The following KLHL18 variants were observed in gnomAD, a reference collection of about 807,000 sequenced individuals.
The protein encoded by KLHL18 is kelch like family member 18.
A neutral mutation model predicts 58.5 loss-of-function variants in KLHL18; 38 were observed. The ratio of observed to expected loss-of-function variants is 0.65; its 90% CI spans 0.50 to 0.85. The LOEUF (loss-of-function observed/expected upper bound fraction) is 0.85, where lower values mean the gene tolerates loss of function less well. Among genes scored for constraint, KLHL18 ranks in the 40% least tolerant of loss-of-function variants. The pLI is 0.00. For synonymous variants in KLHL18, 303 were observed against 301.9 expected (o/e 1.00, Z -0.04); for missense variants, 624 against 778.4 (o/e 0.80, Z 2.36).
intron 1 of KLHL18, among the ~76,000 whole-genome samples, chr3:47,289,667 T>C (rs998916422): frequency 1.3e-5 from 2 of 152,172 alleles, no homozygotes; most frequent in African/African-American, 4.8e-5. Flanking sequence ...ATCTGTAATC[T>C]CAGCACTTTG....
chr3:47,329,696 T>C (rs1703809374), intron 3 of KLHL18, among the ~76,000 whole-genome samples: 2 of 152,212 alleles, frequency 1.3e-5, no homozygotes, highest in African/African-American at 4.8e-5. Context: ...TGACAGTTAC[T>C]TTACAGAACT....
intron 4 of KLHL18, among the ~76,000 whole-genome samples, chr3:47,331,725 G>T (rs1320356493): frequency 1.3e-5 from 2 of 150,276 alleles, no homozygotes; most frequent in African/African-American, 2.5e-5. Flanking sequence ...GAGCCACTGC[G>T]CCAGGCCCGA....
chr3:47,307,960 GA>G (rs1703188492), intron 1 of KLHL18, among the ~76,000 whole-genome samples: 1 of 152,176 alleles, frequency 6.6e-6, no homozygotes, highest in Admixed American at 6.5e-5. Context: ...GTTGACATCT[GA>G]TAGGGCAGTT....
chr3:47,338,304 A>C (rs1704031365), intron 7 of KLHL18: 2 of 152,046 alleles, frequency 1.3e-5, no homozygotes, highest in African/African-American at 4.8e-5. Context: ...GGCACCTCTT[A>C]ATTCATTTTC....
At chr3:47,340,431 A>T in intron 7 of KLHL18, 141 bp from the exon 8 acceptor site, 1 of 1,240,254 alleles carries the variant, frequency 8.1e-7, no homozygotes, top group Non-Finnish European at 1.1e-6. Flanking sequence ...CTGTCACCTC[A>T]GTTTTATGCC....
chr3:47,326,061 C>A (rs1327763520), intron 3 of KLHL18, among the ~76,000 whole-genome samples: 1 of 152,194 alleles, frequency 6.6e-6, no homozygotes, highest in Admixed American at 6.5e-5. Flanking sequence ...GATTCTCCTG[C>A]CTCAGCCTCC....
chr3:47,330,072 G>T lies in KLHL18; in HGVS notation c.523G>T (p.Glu175Ter). The change falls in exon 4 of 10, where the codon GAG (glutamate) becomes TAG (stop). Residue 175 changes from glutamate to a stop codon, truncating the protein, a stop_gained. Coordinates refer to ENST00000232766, the MANE Select transcript of KLHL18 (RefSeq NM_025010.5). LOFTEE classifies it high-confidence loss of function. Reference sequence around the variant, plus strand: ...CTTTGTGGAGGTGTCCATGTCAGAAGAGTTCCTGGCCCTGCCCTTGGAAGA... The same window carrying T: ...CTTTGTGGAGGTGTCCATGTCAGAATAGTTCCTGGCCCTGCCCTTGGAAGA... Reference protein sequence around the residue: ...QHFVEVSMSEEFLALPLEDVL... With the variant: ...QHFVEVSMSE 1 of 1,614,202 alleles carries T rather than the reference G, an allele frequency of 6.2e-7. No individual in the cohort carries two copies. The highest frequency in any genetic ancestry group is 8.5e-7 in the Non-Finnish European group (1 of 1,180,026).
intron 1 of KLHL18, among the ~76,000 whole-genome samples, chr3:47,302,679 C>T (rs911788656): frequency 9.9e-5 from 15 of 152,198 alleles, no homozygotes; most frequent in African/African-American, 3.6e-4. Context: ...TGGACCTACA[C>T]AGTTCAAGCC....
At chr3:47,292,002 G>A (rs1021682498) in intron 1 of KLHL18, among the ~76,000 whole-genome samples, 2 of 152,218 alleles carry the variant, frequency 1.3e-5, no homozygotes, top group African/African-American at 4.8e-5. Context: ...AGGATGCTTA[G>A]CTGCTGGCAG....
intron 1 of KLHL18, among the ~76,000 whole-genome samples, chr3:47,292,964 A>T (rs1702821863): frequency 6.6e-6 from 1 of 152,132 alleles, no homozygotes; most frequent in African/African-American, 2.4e-5. Flanking sequence ...CTTTAAAAAG[A>T]AGAAAATTCT....
intron 2 of KLHL18, among the ~76,000 whole-genome samples, chr3:47,322,110 T>C (rs1292303457): frequency 6.6e-6 from 1 of 152,190 alleles, no homozygotes; most frequent in East Asian, 1.9e-4. Flanking sequence ...AAAAACGTTC[T>C]AACAGCAATA....
rs1008692304 is a variant in KLHL18 at position 47,344,817 on chromosome 3, T to TG, written c.*881dup. 1.9e-4 allele frequency: 29 copies of TG among 152,776 alleles called. No homozygotes were observed. Among genetic ancestry groups the TG allele is most frequent in the African/African-American group, 7.0e-4 (29 of 41,564 alleles). The allele number at this position is 152,776 out of a possible 1,614,324, so 9.5% of individuals were successfully genotyped here. A position where few individuals can be genotyped will look rare whatever the true frequency, so the allele number is the denominator to read the frequency against. On this transcript the variant is annotated 3_prime_UTR_variant, in exon 10 of 10. Coordinates refer to ENST00000232766, the MANE Select transcript of KLHL18 (RefSeq NM_025010.5). The stretch of plus-strand genomic sequence containing the variant: ...AGGGTCCTGAGGCCTCGCATTGAGC[T>TG]GGGGGTTCCCTCTGAGCCCCAGTGT...
At chr3:47,331,200 T>C (rs914036749) in intron 4 of KLHL18, among the ~76,000 whole-genome samples, 1 of 152,008 alleles carries the variant, frequency 6.6e-6, no homozygotes, top group Non-Finnish European at 1.5e-5. Context: ...CAATCTCAGC[T>C]CACTGCACCT....
At chr3:47,288,868 A>T (rs1702732873) in intron 1 of KLHL18, among the ~76,000 whole-genome samples, 1 of 152,168 alleles carries the variant, frequency 6.6e-6, no homozygotes. Flanking sequence ...GTGTCCATGG[A>T]CGCTCTCATC....
At chr3:47,309,386 C>T (rs1025197592) in intron 1 of KLHL18, among the ~76,000 whole-genome samples, 11 of 151,286 alleles carry the variant, frequency 7.3e-5, no homozygotes, top group South Asian at 4.2e-4. Flanking sequence ...ACGGGGCGGC[C>T]GGGCAGAGAT....
intron 3 of KLHL18, among the ~76,000 whole-genome samples, chr3:47,325,298 C>T (rs976823617): frequency 3.9e-5 from 6 of 152,140 alleles, no homozygotes; most frequent in African/African-American, 1.2e-4. Flanking sequence ...CCTGTGTTCA[C>T]GCCATTCTCT....
At chr3:47,319,584 G>GT (rs200717194) in intron 1 of KLHL18, 69 bp from the exon 2 acceptor site, 15,316 of 1,376,256 alleles carry the variant, frequency 0.011, no homozygotes, top group East Asian at 0.014. Flanking sequence ...GGCAGGGTGG[G>GT]TTTTTTTGTT....
Position 47,322,654 on chromosome 3 carries a change from G to A in KLHL18, c.347G>A (p.Ser116Asn), listed in dbSNP as rs1576168420. 1.2e-6 allele frequency: 2 copies of A among 1,605,252 alleles called. No homozygotes were observed. Among genetic ancestry groups the A allele is most frequent in the Non-Finnish European group, 1.7e-6 (2 of 1,176,310 alleles). The change falls in exon 3 of 10, where the codon AGC (serine) becomes AAC (asparagine). Residue 116 changes from serine (S) to asparagine (N), a missense_variant. Coordinates refer to ENST00000232766, the MANE Select transcript of KLHL18 (RefSeq NM_025010.5). ...GTCCAGTCATTGCTGATGGGGGCGAGCTTCCTGCAGCTGCAGAGCATCAAA... is the reference window on the plus strand; with the variant it reads ...GTCCAGTCATTGCTGATGGGGGCGAACTTCCTGCAGCTGCAGAGCATCAAA... The part of the protein sequence containing the change: ...QNVQSLLMGA[S>N]FLQLQSIKDA...
chr3:47,318,459 C>T (rs1307355218), intron 1 of KLHL18, among the ~76,000 whole-genome samples: 1 of 152,192 alleles, frequency 6.6e-6, no homozygotes, highest in African/African-American at 2.4e-5. Context: ...GACATACCAT[C>T]GTCACTTCTG....
Sources: gnomAD v4.1 joint callset for allele counts (sites outside exome capture counted in the v4.1 genomes callset) on GRCh38, gnomAD v4.1.1 for gene constraint, MANE v1.5 for transcripts, NCBI Gene and HGNC (gene_info 2026-07-23, HGNC 2026-07-21) for gene names.